The following TMEM131L variants were observed in gnomAD, a reference collection of about 807,000 sequenced individuals.
The protein encoded by TMEM131L is transmembrane protein 131-like.
TMEM131L carries 54 observed loss-of-function variants against 192.2 expected under a neutral mutation model. That is an observed-to-expected ratio of 0.28 (90% CI 0.23 to 0.35). The LOEUF (loss-of-function observed/expected upper bound fraction) is 0.35. Ranked by LOEUF, TMEM131L falls within the 10% of genes least tolerant of loss-of-function variation. The pLI is 1.00. For synonymous variants in TMEM131L, 701 were observed against 704.9 expected (o/e 0.99, Z 0.09); for missense variants, 1,888 against 1,972.9 (o/e 0.96, Z 0.82).
intron 7 of TMEM131L, among the ~76,000 whole-genome samples, chr4:153,575,673 CTACT>C (rs1426244476): frequency 4.6e-5 from 7 of 152,050 alleles, no homozygotes; most frequent in African/African-American, 7.2e-5. Flanking sequence ...TCAATGAAGA[CTACT>C]TAAGAAAAAG....
At position 153,585,582 on chromosome 4, in the gene TMEM131L, C is replaced by T. The variant is rs200880434; in HGVS notation, c.1282C>T (p.Leu428Phe). 1.4e-4 allele frequency: 227 copies of T among 1,613,540 alleles called. No individual in the cohort carries two copies. The highest frequency in any genetic ancestry group is 1.8e-4 in the Non-Finnish European group (210 of 1,179,792). ...TAGTGTTGTATTAAATGATGTGTTT[C>T]TTTCCAAGGAGACCAAGCACATGTT... ...DRSVVLNDVFLSKETKHMLKI... is the reference protein window; with the variant it reads ...DRSVVLNDVFFSKETKHMLKI... The change falls in exon 13 of 35, where the codon CTT (leucine) becomes TTT (phenylalanine). Residue 428 changes from leucine to phenylalanine, a missense_variant. By Grantham distance (22) the Leu-to-Phe change is conservative. Coordinates refer to ENST00000409959, the MANE Select transcript of TMEM131L (RefSeq NM_001131007.2).
intron 7 of TMEM131L, among the ~76,000 whole-genome samples, chr4:153,559,171 C>T (rs1290589465): frequency 4.6e-5 from 7 of 152,128 alleles, no homozygotes; most frequent in Non-Finnish European, 7.4e-5. Context: ...TTTGTATCTG[C>T]GTAGAGCCTA....
At chr4:153,610,428 A>G (rs1178475611) in intron 25 of TMEM131L, among the ~76,000 whole-genome samples, 1 of 152,068 alleles carries the variant, frequency 6.6e-6, no homozygotes, top group Non-Finnish European at 1.5e-5. Flanking sequence ...CCAAAGGATT[A>G]TTTTCTGTAT....
chr4:153,614,519 G>C (rs550711063), intron 26 of TMEM131L, among the ~76,000 whole-genome samples: 2 of 152,148 alleles, frequency 1.3e-5, no homozygotes, highest in African/African-American at 4.8e-5. Context: ...CTGAGTTGGT[G>C]GGGGGCGGCG....
At chr4:153,537,660 C>T (rs983916462) in intron 3 of TMEM131L, among the ~76,000 whole-genome samples, 1 of 152,152 alleles carries the variant, frequency 6.6e-6, no homozygotes, top group African/African-American at 2.4e-5. Flanking sequence ...CGGCCGGCTT[C>T]TTTACTGCAA....
chr4:153,542,188 G>A (rs566133588), intron 3 of TMEM131L, among the ~76,000 whole-genome samples: 1 of 152,318 alleles, frequency 6.6e-6, no homozygotes, highest in Admixed American at 6.5e-5. Context: ...AAGAGTAGAG[G>A]AAGAGCTTTG....
intron 3 of TMEM131L, among the ~76,000 whole-genome samples, chr4:153,545,211 C>T (rs1187217505): frequency 1.3e-5 from 2 of 151,930 alleles, no homozygotes; most frequent in East Asian, 3.9e-4. Flanking sequence ...GTCACATTGG[C>T]GTTCACGTCA....
chr4:153,546,922 T>G (rs1369563571), intron 3 of TMEM131L, among the ~76,000 whole-genome samples: 2 of 152,238 alleles, frequency 1.3e-5, no homozygotes, highest in East Asian at 3.8e-4. Flanking sequence ...AGTGAAACTC[T>G]GTCTCAAAAA....
intron 3 of TMEM131L, among the ~76,000 whole-genome samples, chr4:153,492,676 T>A (rs1440903607): frequency 6.6e-6 from 1 of 152,296 alleles, no homozygotes; most frequent in African/African-American, 2.4e-5. Flanking sequence ...TCTGAAGGAA[T>A]GTATATAGTT....
chr4:153,583,358 T>C (rs773442186), intron 10 of TMEM131L, 110 bp downstream of exon 10: 1 of 791,412 alleles, frequency 1.3e-6, no homozygotes, highest in Non-Finnish European at 2.2e-6. Context: ...CTTTATTCTT[T>C]TTTGCTTTAA....
chr4:153,548,480 T>G (rs1381555941), intron 3 of TMEM131L, among the ~76,000 whole-genome samples: 3 of 152,090 alleles, frequency 2.0e-5, no homozygotes, highest in Middle Eastern at 3.4e-3. Context: ...AATTTTTGTA[T>G]TTTTAGTAGA....
intron 3 of TMEM131L, among the ~76,000 whole-genome samples, chr4:153,525,565 C>G (rs998975317): frequency 1.3e-5 from 2 of 152,186 alleles, no homozygotes; most frequent in Admixed American, 1.3e-4. Flanking sequence ...GTCTCGAGCT[C>G]CTGACCTCAA....
Position 153,627,500 on chromosome 4 carries a change from C to T in TMEM131L, c.4125-105C>T, listed in dbSNP as rs141485595. On this transcript the variant is annotated intron_variant, in intron 30 of 34. Transcript: ENST00000409959. Reference sequence around the variant, plus strand: ...GTTTCTTCCCCAAGAAACTCTTCCCCAAGACTTCAATTGAGTGAAAACTCA... The same window carrying T: ...GTTTCTTCCCCAAGAAACTCTTCCCTAAGACTTCAATTGAGTGAAAACTCA... The T allele has an allele frequency of 1.0e-2, 7,803 of 782,880 alleles. 76 individuals are homozygous for T. The highest frequency in any genetic ancestry group is 0.022 in the Middle Eastern group (92 of 4,272). The allele number at this position is 782,880 out of a possible 1,614,324, so 48.5% of individuals were successfully genotyped here. A position where few individuals can be genotyped will look rare whatever the true frequency, so the allele number is the denominator to read the frequency against.
chr4:153,616,972 CTTTGTTATAG>C (rs1052162096), intron 26 of TMEM131L, among the ~76,000 whole-genome samples: 1 of 152,042 alleles, frequency 6.6e-6, no homozygotes, highest in Non-Finnish European at 1.5e-5. Context: ...CCTGGTAAGT[CTTTGTTATAG>C]ATGTCAAAAA....
chr4:153,538,881 C>T (rs1014329046), intron 3 of TMEM131L, among the ~76,000 whole-genome samples: 7 of 152,216 alleles, frequency 4.6e-5, no homozygotes, highest in African/African-American at 1.7e-4. Flanking sequence ...AAGGTGGAGA[C>T]GTTTGTTTTC....
At chr4:153,489,843 G>A (rs937247888) in intron 3 of TMEM131L, among the ~76,000 whole-genome samples, 1 of 152,062 alleles carries the variant, frequency 6.6e-6, no homozygotes, top group Admixed American at 6.6e-5. Flanking sequence ...GCAAAACCAT[G>A]AAATCAAACC....
intron 21 of TMEM131L, among the ~76,000 whole-genome samples, chr4:153,599,130 C>T (rs1367588909): frequency 6.6e-6 from 1 of 152,148 alleles, no homozygotes; most frequent in Admixed American, 6.5e-5. Context: ...TCTGAGGAAG[C>T]CTCAGGAAAC....
At position 153,604,319 on chromosome 4, in the gene TMEM131L, C is replaced by T. The variant is rs146931484; in HGVS notation, c.3307C>T (p.Arg1103Trp). The T allele has an allele frequency of 5.9e-5, 96 of 1,614,010 alleles. No individual in the cohort carries two copies. The highest frequency in any genetic ancestry group is 7.7e-5 in the South Asian group (7 of 91,086). ...AGAGAACACAGCCGAGTTCAAGGAACGGGAGCTCTGTCCACTGAAGACCTC... is the reference window on the plus strand; with the variant it reads ...AGAGAACACAGCCGAGTTCAAGGAATGGGAGCTCTGTCCACTGAAGACCTC... Reference protein sequence around the residue: ...TSENTAEFKERELCPLKTSKK... With the variant: ...TSENTAEFKEWELCPLKTSKK... The change falls in exon 25 of 35, where the codon CGG becomes TGG. Residue 1103 changes from arginine to tryptophan, a missense_variant. By Grantham distance (101) the Arg-to-Trp change is moderately radical. Transcript: ENST00000409959.
intron 21 of TMEM131L, 90 bp from the exon 22 acceptor site, chr4:153,602,062 G>A (rs950951287): frequency 1.3e-6 from 1 of 770,324 alleles, no homozygotes; most frequent in African/African-American, 1.8e-5. Flanking sequence ...ATCATGGTTT[G>A]GTTTATTCAA....
Sources: allele counts gnomAD v4.1 joint callset (sites outside exome capture counted in the v4.1 genomes callset), GRCh38; gene constraint gnomAD v4.1.1; transcripts MANE v1.5; gene names NCBI Gene and HGNC (gene_info 2026-07-23, HGNC 2026-07-21).